LARGE1: variants seen among roughly 807,000 people sequenced by gnomAD.
LARGE1 encodes LARGE xylosyl- and glucuronyltransferase 1.
Under a neutral mutation model 87.6 loss-of-function variants are expected in LARGE1, and 43 were observed. The observed-to-expected ratio is 0.49, with a 90% CI of 0.38 to 0.63. The LOEUF (loss-of-function observed/expected upper bound fraction) is 0.63. Among genes scored for constraint, LARGE1 ranks in the 30% least tolerant of loss-of-function variants. The pLI is 0.00. For missense variants in LARGE1, 802 were observed against 1,000.2 expected (o/e 0.80, Z 2.67); for synonymous variants, 434 against 394.6 (o/e 1.10, Z -1.18).
At chr22:33,545,447 C>T (rs2077334610) in intron 6 of LARGE1, among the ~76,000 whole-genome samples, 1 of 146,656 alleles carries the variant, frequency 6.8e-6, no homozygotes, top group South Asian at 2.2e-4. Flanking sequence ...CACACACACA[C>T]ACAATTTCTT....
At chr22:33,136,820 C>T in the LARGE1 span, among the ~76,000 whole-genome samples, 2 of 151,832 alleles carry the variant, frequency 1.3e-5, no homozygotes, top group African/African-American at 4.8e-5. Flanking sequence ...GTATATGGAT[C>T]AAGGCAGGGT....
intron 6 of LARGE1, among the ~76,000 whole-genome samples, chr22:33,443,937 T>G (rs767610643): frequency 6.6e-6 from 1 of 152,262 alleles, no homozygotes; most frequent in Non-Finnish European, 1.5e-5. Flanking sequence ...TCAGCCCAGC[T>G]ACAACCTCCA....
At chr22:33,161,999 TC>T (rs985419771), downstream of LARGE1, among the ~76,000 whole-genome samples, 8 of 152,180 alleles carry the variant, frequency 5.3e-5, no homozygotes, top group African/African-American at 1.9e-4. Context: ...AGCCTTTTGG[TC>T]AAAACCATTC....
the LARGE1 span, among the ~76,000 whole-genome samples, chr22:33,133,070 AAG>A: frequency 8.5e-5 from 13 of 152,304 alleles, no homozygotes; most frequent in East Asian, 2.3e-3. Flanking sequence ...TCCTTTGAGG[AAG>A]ATGTTGAAGA....
intron 11 of LARGE1, among the ~76,000 whole-genome samples, chr22:33,248,655 T>A (rs1217106651): frequency 6.6e-6 from 1 of 152,216 alleles, no homozygotes; most frequent in South Asian, 2.1e-4. Context: ...ATGACATGTA[T>A]CCACCATTAT....
intron 3 of LARGE1, among the ~76,000 whole-genome samples, chr22:33,642,657 C>T (rs967538675): frequency 9.5e-6 from 1 of 104,960 alleles, no homozygotes; most frequent in Non-Finnish European, 1.9e-5. Flanking sequence ...TGCAAAGATA[C>T]ACATAAGCTC....
chr22:33,144,277 A>G, the LARGE1 span, among the ~76,000 whole-genome samples: 1 of 152,122 alleles, frequency 6.6e-6, no homozygotes, highest in Non-Finnish European at 1.5e-5. Flanking sequence ...AGAACACTCT[A>G]CTTTCAAGGT....
the LARGE1 span, among the ~76,000 whole-genome samples, chr22:33,113,456 C>T: frequency 6.6e-6 from 1 of 152,238 alleles, no homozygotes. Flanking sequence ...ATCCACCCGC[C>T]TTGACCTCCC....
intron 1 of LARGE1, among the ~76,000 whole-genome samples, chr22:33,820,838 T>A (rs895660396): frequency 1.3e-5 from 2 of 152,134 alleles, no homozygotes; most frequent in Non-Finnish European, 2.9e-5. Flanking sequence ...CTGCTGCTGC[T>A]CAGGAGACAC....
intron 6 of LARGE1, among the ~76,000 whole-genome samples, chr22:33,516,076 G>C (rs143034626): frequency 1.0e-3 from 154 of 152,344 alleles, no homozygotes; most frequent in African/African-American, 3.4e-3. Flanking sequence ...CTGAGAGTTT[G>C]TTGCAGAGGA....
At chr22:33,819,667 C>T (rs1001469355) in intron 1 of LARGE1, among the ~76,000 whole-genome samples, 3 of 152,152 alleles carry the variant, frequency 2.0e-5, no homozygotes, top group Non-Finnish European at 4.4e-5. Flanking sequence ...ATTTAATCCC[C>T]ACCTCCTCAA....
chr22:33,836,736 C>A (rs1381422562), intron 1 of LARGE1, among the ~76,000 whole-genome samples: 2 of 151,920 alleles, frequency 1.3e-5, no homozygotes, highest in Non-Finnish European at 2.9e-5. Context: ...TAACTTAACC[C>A]TTCTGTGATT....
intron 5 of LARGE1, chr22:33,572,254 G>A (rs1193193741): frequency 3.2e-6 from 4 of 1,261,320 alleles, no homozygotes; most frequent in Non-Finnish European, 4.1e-6. Flanking sequence ...TGCCTTTCAT[G>A]TTGTTTCTGA....
intron 3 of LARGE1, among the ~76,000 whole-genome samples, chr22:33,627,253 T>C (rs1450424438): frequency 2.0e-5 from 3 of 152,232 alleles, no homozygotes; most frequent in Admixed American, 2.0e-4. Flanking sequence ...TCATTTTCTA[T>C]GTGTGGCACA....
At chr22:33,490,304 T>A (rs912854926) in intron 6 of LARGE1, among the ~76,000 whole-genome samples, 1 of 152,200 alleles carries the variant, frequency 6.6e-6, no homozygotes, top group Non-Finnish European at 1.5e-5. Context: ...CTTGCCCCGC[T>A]TCCCTACCAG....
At chr22:33,297,796 A>G (rs1317166489) in intron 12 of LARGE1, among the ~76,000 whole-genome samples, 1 of 151,796 alleles carries the variant, frequency 6.6e-6, no homozygotes, top group African/African-American at 2.4e-5. Flanking sequence ...CCTGGCCAAC[A>G]TGGTGAAACC....
the LARGE1 span, among the ~76,000 whole-genome samples, chr22:33,129,781 C>T: frequency 6.6e-6 from 1 of 152,138 alleles, no homozygotes; most frequent in South Asian, 2.1e-4. Flanking sequence ...AAGTGCCAGA[C>T]ACTTAAAACC....
chr22:33,872,371 T>C (rs1185504852), intron 1 of LARGE1, among the ~76,000 whole-genome samples: 3 of 140,680 alleles, frequency 2.1e-5, no homozygotes, highest in African/African-American at 8.4e-5. Context: ...ATTATTATTA[T>C]TATTATTATT....
intron 2 of LARGE1, among the ~76,000 whole-genome samples, chr22:33,660,070 TTGTGTGTG>T (rs1160067357): frequency 2.1e-5 from 3 of 141,106 alleles, no homozygotes; most frequent in Non-Finnish European, 4.5e-5. Flanking sequence ...AAATGTTTTG[TTGTGTGTG>T]TGTGTGTGTG....
Sources: allele counts gnomAD v4.1 joint callset (sites outside exome capture counted in the v4.1 genomes callset), GRCh38; gene constraint gnomAD v4.1.1; transcripts MANE v1.5; gene names NCBI Gene and HGNC (gene_info 2026-07-23, HGNC 2026-07-21).